ITSN1: variants seen among roughly 807,000 people sequenced by gnomAD.
The protein encoded by ITSN1 is intersectin-1.
A neutral mutation model predicts 239.8 loss-of-function variants in ITSN1; 58 were observed. That is an observed-to-expected ratio of 0.24 (90% CI 0.20 to 0.30). The LOEUF is 0.30. ITSN1 is among the 10% of genes least tolerant of loss of function. The pLI, the probability that ITSN1 is intolerant of heterozygous loss-of-function variation, is 1.00. For synonymous variants in ITSN1, 780 were observed against 770.8 expected, an observed-to-expected ratio of 1.01 and a Z score of -0.20; for missense variants, 1,558 against 2,103.3, an observed-to-expected ratio of 0.74 and a Z score of 5.07.
In ITSN1 at chr21:33,739,822, C is replaced by A. The variant is rs1194645252; in HGVS notation, c.346+4618C>A. On this transcript the variant is annotated intron_variant, in intron 5 of 39. Coordinates refer to ENST00000381318, the MANE Select transcript of ITSN1 (RefSeq NM_003024.3). The stretch of plus-strand genomic sequence containing the variant: ...ACCATAAGGAAAAGCAAGCAAACAA[C>A]AGATTAAGCAGAAGAGTGACGTGGT... Among the ~76,000 whole-genome samples, 2 of 152,336 alleles carry A rather than the reference C, an allele frequency of 1.3e-5. 1 individual carries two copies. Among genetic ancestry groups the A allele is most frequent in the South Asian group, 4.1e-4 (2 of 4,828 alleles).
At chr21:33,662,937 A>C (rs954582235) in intron 1 of ITSN1, among the ~76,000 whole-genome samples, 3 of 152,242 alleles carry the variant, frequency 2.0e-5, no homozygotes, top group Non-Finnish European at 4.4e-5. Context: ...TTGTGTAATG[A>C]AAATATAAAT....
rs1986552653 is a variant in ITSN1 at position 33,894,192 on chromosome 21, A to C, written c.*5892A>C. On this transcript the variant is annotated 3_prime_UTR_variant, in exon 40 of 40. Transcript: ENST00000381318. ...ATGGCAAACTAACTTTAAGTCATTA[A>C]AATAAGACCCAACGCTTATAAAAGA... is the stretch of plus-strand genomic sequence containing the variant. 1 of 152,250 alleles carries C rather than the reference A, an allele frequency of 6.6e-6. No homozygotes were observed. Among genetic ancestry groups the C allele is most frequent in the Non-Finnish European group, 1.5e-5 (1 of 68,046 alleles). The allele number at this position is 152,250 out of a possible 1,614,324, so 9.4% of individuals were successfully genotyped here.
In ITSN1 at chr21:33,751,876, T is replaced by G. The variant is rs1485863696; in HGVS notation, c.593T>G (p.Leu198Ter). ...SGPGSQLNTK[L>*]QKAQSFDVAS... is the part of the protein sequence containing the mutation. ...CCAGGGTCACAACTAAACACTAAAT[T>G]ACAAAAGGCACAGTCATTTGATGTG... Residue 198 changes from leucine to a stop codon, truncating the protein, a stop_gained, in exon 7 of 40, where the codon TTA becomes TGA. Coordinates refer to ENST00000381318, the MANE Select transcript of ITSN1 (RefSeq NM_003024.3). LOFTEE classifies it high-confidence loss of function. 6.2e-7 allele frequency: 1 copy of G among 1,613,554 alleles called. No homozygotes were observed.
chr21:33,699,759 A>G (rs576417113), intron 1 of ITSN1, among the ~76,000 whole-genome samples: 1 of 152,234 alleles, frequency 6.6e-6, no homozygotes, highest in East Asian at 1.9e-4. Flanking sequence ...CCCAAAGGCA[A>G]TTTCATTTTA....
At position 33,741,640 on chromosome 21, in the gene ITSN1, C is replaced by A. The variant is rs189587717; in HGVS notation, c.346+6436C>A. Among the ~76,000 whole-genome samples, 805 of 152,090 alleles carry A rather than the reference C, an allele frequency of 5.3e-3. 2 individuals are homozygous for A. Among genetic ancestry groups the A allele is most frequent in the Middle Eastern group, 0.01 (3 of 294 alleles). On this transcript the variant is annotated intron_variant, in intron 5 of 39. Coordinates refer to ENST00000381318, the MANE Select transcript of ITSN1 (RefSeq NM_003024.3). ...GGGCGCAGTGACTCACGCCTGTAAT[C>A]CCAGCACTTTGGGGGGCCCAGGTGG... is the stretch of plus-strand genomic sequence containing the variant.
intron 27 of ITSN1, among the ~76,000 whole-genome samples, chr21:33,831,242 G>A (rs144311970): frequency 6.6e-6 from 1 of 152,308 alleles, no homozygotes; most frequent in Non-Finnish European, 1.5e-5. Flanking sequence ...TCCCTGGCTT[G>A]CCCACATGGG....
chr21:33,844,154 TAGC>T (rs2074914077), intron 29 of ITSN1, among the ~76,000 whole-genome samples: 1 of 152,198 alleles, frequency 6.6e-6, no homozygotes, highest in Admixed American at 6.5e-5. Context: ...CCCTTCCTGA[TAGC>T]AGGAGGCCCA....
chr21:33,775,215 C>T, intron 14 of ITSN1, 107 bp downstream of exon 14: 1 of 1,241,038 alleles, frequency 8.1e-7, no homozygotes, highest in Non-Finnish European at 1.1e-6. Flanking sequence ...CTGTCTTGTA[C>T]TAGGCACTGG....
intron 34 of ITSN1, among the ~76,000 whole-genome samples, chr21:33,877,825 T>TTG (rs3835379): frequency 0.072 from 10,562 of 147,104 alleles, 444 homozygotes; most frequent in Non-Finnish European, 0.11. Context: ...TGTTTCTATT[T>TTG]TGTGTGTGTG....
intron 1 of ITSN1, among the ~76,000 whole-genome samples, chr21:33,714,119 C>CG (rs980560607): frequency 4.0e-5 from 6 of 149,316 alleles, no homozygotes; most frequent in African/African-American, 1.5e-4. Context: ...CGTGAGCCAC[C>CG]GCCCCTGGCC....
Position 33,811,003 on chromosome 21 carries a change from G to C in ITSN1, c.2348G>C (p.Gly783Ala). ...GATGAAAGCCAAACTGGAGAACCCG[G>C]CTGGCTTGGAGGAGAATTAAAAGGA... Reference protein sequence around the residue: ...WVDESQTGEPGWLGGELKGKT... With the variant: ...WVDESQTGEPAWLGGELKGKT... The change falls in exon 21 of 40, where the codon GGC becomes GCC. Residue 783 changes from glycine (G) to alanine (A), a missense_variant. Physicochemically the swap from Gly to Ala is moderately conservative, Grantham distance 60. Coordinates refer to ENST00000381318, the MANE Select transcript of ITSN1 (RefSeq NM_003024.3). 1.2e-6 allele frequency: 2 copies of C among 1,614,196 alleles called. No homozygotes were observed. The highest frequency in any genetic ancestry group is 1.7e-6 in the Non-Finnish European group (2 of 1,180,022).
chr21:33,722,631 A>C lies in ITSN1; in HGVS notation c.165A>C (p.Gln55His). The C allele has an allele frequency of 6.3e-7, 1 of 1,582,832 alleles. No individual in the cohort carries two copies. The highest frequency in any genetic ancestry group is 8.5e-7 in the Non-Finnish European group (1 of 1,169,700). Residue 55 changes from glutamine (Q) to histidine (H), a missense_variant, in exon 4 of 40, where the codon CAA becomes CAC. Around this residue, in one of 2 missense-constraint regions of ITSN1, gnomAD observed 982 missense variants for 1,209.9 expected, o/e 0.81. Transcript: ENST00000381318. Reference protein sequence around the residue: ...RNFFFQSGLPQPVLAQIWALA... With the variant: ...RNFFFQSGLPHPVLAQIWALA... ...TTTTTTTTCAATCTGGGTTACCTCA[A>C]CCTGTTTTAGCACAGATATGGTAAG...
chr21:33,858,624 G>T, intron 30 of ITSN1, 62 bp from the exon 31 acceptor site: 1 of 1,032,422 alleles, frequency 9.7e-7, no homozygotes, highest in Non-Finnish European at 1.5e-6. Flanking sequence ...GCGGATCGGC[G>T]TGTGAGTGTG....
intron 31 of ITSN1, among the ~76,000 whole-genome samples, chr21:33,861,685 G>A (rs1460505285): frequency 6.6e-6 from 1 of 152,112 alleles, no homozygotes; most frequent in Non-Finnish European, 1.5e-5. Context: ...GGTGGCTCAT[G>A]CCTGTTATCC....
At chr21:33,814,415 A>G (rs933480351) in intron 22 of ITSN1, 1 of 253,042 alleles carries the variant, frequency 4.0e-6, no homozygotes, top group East Asian at 8.3e-5. Context: ...TCGAAGGCAG[A>G]CAGTCAGAAT....
chr21:33,719,060 C>T (rs1029163941), intron 2 of ITSN1, among the ~76,000 whole-genome samples: 3 of 152,188 alleles, frequency 2.0e-5, no homozygotes, highest in African/African-American at 7.2e-5. Flanking sequence ...GGCATCATTT[C>T]ATCTATAAAT....
intron 1 of ITSN1, among the ~76,000 whole-genome samples, chr21:33,658,251 T>TGAG (rs1168573945): frequency 6.6e-6 from 1 of 152,114 alleles, no homozygotes; most frequent in East Asian, 1.9e-4. Context: ...TTGAGTAGGC[T>TGAG]GAGGAGGAGG....
chr21:33,779,643 A>C (rs1215613689), intron 14 of ITSN1, among the ~76,000 whole-genome samples: 2 of 152,144 alleles, frequency 1.3e-5, no homozygotes, highest in Non-Finnish European at 2.9e-5. Context: ...GAACACTGAA[A>C]TCCTGATCAT....
Position 33,893,406 on chromosome 21 carries a change from GT to G in ITSN1, c.*5107del, listed in dbSNP as rs1986495381. On this transcript the variant is annotated 3_prime_UTR_variant, in exon 40 of 40. Transcript: ENST00000381318. The stretch of plus-strand genomic sequence containing the variant: ...GGAGTTCGAGAACAGCCTGGCCAAC[GT>G]GGCGAAACCTTGTCTCTACTAAAAA... 6.6e-6 allele frequency: 1 copy of G among 152,100 alleles called. No individual in the cohort carries two copies. Among genetic ancestry groups the G allele is most frequent in the South Asian group, 2.1e-4 (1 of 4,818 alleles). 9.4% of individuals were successfully genotyped at this position (152,100 alleles called of 1,614,324 possible).
Sources: gnomAD v4.1 joint callset for allele counts (sites outside exome capture counted in the v4.1 genomes callset) on GRCh38, gnomAD v4.1.1 for gene constraint, gnomAD v4.1.1 regional missense constraint, MANE v1.5 for transcripts, NCBI Gene and HGNC (gene_info 2026-07-23, HGNC 2026-07-21) for gene names.